Variants in POTEG observed in about 807,000 individuals in gnomAD.
POTEG encodes the protein ANKRD26-like family C member 2.
Under a neutral mutation model 49.6 loss-of-function variants are expected in POTEG, and 2 were observed. That is an observed-to-expected ratio of 0.04 (90% CI 0.02 to 0.13). POTEG has a LOEUF of 0.13. Among genes scored for constraint, POTEG ranks in the 10% least tolerant of loss-of-function variants. The pLI, the probability that POTEG is intolerant of heterozygous loss-of-function variation, is 1.00. For synonymous variants in POTEG, 7 were observed against 186.6 expected, an observed-to-expected ratio of 0.04 and a Z score of 7.84; for missense variants, 26 against 545.2, an observed-to-expected ratio of 0.05 and a Z score of 9.48.
At chr14:19,414,391 G>A (rs1432985924) in intron 8 of POTEG, among the ~76,000 whole-genome samples, 171 bp downstream of exon 8, 3 of 146,644 alleles carry the variant, frequency 2.0e-5, no homozygotes, top group African/African-American at 7.4e-5. Context: ...TCTAGGGTTT[G>A]CATCTCTTTA....
chr14:19,413,460 TAGGC>T lies in POTEG; in HGVS notation c.1299_1302del (p.Pro434ThrfsTer12). ...TCACCATTGTCAGCAGTGGCACCGTTAGGCAGGTTTTCTGGGAATCCCATATGAG... is the reference window on the plus strand; with the variant it reads ...TCACCATTGTCAGCAGTGGCACCGTTAGGTTTTCTGGGAATCCCATATGAG... On this transcript the variant is annotated frameshift_variant, in exon 9 of 11. Coordinates refer to ENST00000547848, the MANE Select transcript of POTEG (RefSeq NM_001005356.3). LOFTEE classifies it high-confidence loss of function. 9 of 1,090,712 alleles carry T rather than the reference TAGGC, an allele frequency of 8.3e-6. 1 individual carries two copies. The highest frequency in any genetic ancestry group is 6.2e-6 in the Non-Finnish European group (5 of 800,902). The allele number at this position is 1,090,712 out of a possible 1,614,324, so 67.6% of individuals were successfully genotyped here.
chr14:19,426,101 G>A (rs1376797254), intron 3 of POTEG, among the ~76,000 whole-genome samples: 1 of 118,578 alleles, frequency 8.4e-6, no homozygotes, highest in African/African-American at 3.3e-5. Context: ...TGCGTATAAA[G>A]CAAGAATTTG....
At chr14:19,425,423 T>C (rs1468264291) in intron 4 of POTEG, among the ~76,000 whole-genome samples, 183 bp downstream of exon 4, 2 of 56,394 alleles carry the variant, frequency 3.5e-5, no homozygotes, top group African/African-American at 9.4e-5. Context: ...GTCAATATAA[T>C]AAAAGATGAA....
chr14:19,413,244 TC>T, intron 9 of POTEG, 109 bp downstream of exon 9: 1 of 426,390 alleles, frequency 2.3e-6, no homozygotes, highest in Admixed American at 6.5e-5. Context: ...TTTTCATTTT[TC>T]TGATTAACAG....
chr14:19,429,563 C>A (rs1454235283), intron 1 of POTEG, among the ~76,000 whole-genome samples: 1 of 130,816 alleles, frequency 7.6e-6, no homozygotes, highest in African/African-American at 2.7e-5. Context: ...TCCATGTTGT[C>A]TCCACTGAAA....
intron 3 of POTEG, chr14:19,426,600 T>A (rs1369858712): frequency 2.4e-6 from 1 of 410,660 alleles, no homozygotes; most frequent in East Asian, 7.0e-5. Context: ...ACCTTCTGAA[T>A]GGCAGTGAAT....
chr14:19,419,043 C>G (rs1289005848), intron 6 of POTEG, among the ~76,000 whole-genome samples: 6 of 107,378 alleles, frequency 5.6e-5, no homozygotes, highest in Admixed American at 9.9e-5. Flanking sequence ...CATATTAAAA[C>G]GAGTAATTGA....
Position 19,432,366 on chromosome 14 carries a change from GTATATATATATATA to G in POTEG, c.521+1389_521+1402del, listed in dbSNP as rs58599371. 1.3e-4 allele frequency among the ~76,000 whole-genome samples: 5 copies of G among 37,870 alleles called. 1 individual carries two copies. Among genetic ancestry groups the G allele is most frequent in the Admixed American group, 7.0e-4 (2 of 2,852 alleles). 24.8% of individuals were successfully genotyped at this position (37,870 alleles called of 152,430 possible). On this transcript the variant is annotated intron_variant, in intron 1 of 10. Coordinates refer to ENST00000547848, the MANE Select transcript of POTEG (RefSeq NM_001005356.3). ...CCATCAAAAAAAAAAAAGAAATTTT[GTATATATATATATA>G]TATATATATATATATATATATATAC...
chr14:19,415,944 A>G (rs61969671), intron 7 of POTEG, among the ~76,000 whole-genome samples: 10,172 of 112,450 alleles, frequency 0.09, 15 homozygotes, highest in Non-Finnish European at 0.16. Flanking sequence ...CCCCAGGTTC[A>G]TGGCATTCTC....
chr14:19,432,944 A>T (rs1594284362), intron 1 of POTEG, among the ~76,000 whole-genome samples: 1 of 27,782 alleles, frequency 3.6e-5, no homozygotes, highest in Non-Finnish European at 7.3e-5. Flanking sequence ...TTTTTTTTTG[A>T]GATGGAGTCT....
intron 1 of POTEG, among the ~76,000 whole-genome samples, chr14:19,430,428 TTATCC>T (rs1884089322): frequency 2.5e-5 from 2 of 80,590 alleles, no homozygotes; most frequent in South Asian, 8.0e-4. Flanking sequence ...AAAACAGTCT[TTATCC>T]AAGACTTATA....
intron 7 of POTEG, among the ~76,000 whole-genome samples, chr14:19,415,076 T>C (rs1340353308): frequency 1.4e-5 from 2 of 145,676 alleles, no homozygotes; most frequent in African/African-American, 4.9e-5. Flanking sequence ...AACTGGATTG[T>C]AGGCACACTT....
In POTEG at chr14:19,415,362, G is replaced by A. The variant is rs1217541505; in HGVS notation, c.1198-756C>T. ...ATATGATTCCTTTAATAGGCAGTTG[G>A]GTTGCTTTTTTGACCTGGTTCCCTC... On this transcript the variant is annotated intron_variant, in intron 7 of 10. Coordinates refer to ENST00000547848, the MANE Select transcript of POTEG (RefSeq NM_001005356.3). Among the ~76,000 whole-genome samples, 32 of 144,418 alleles carry A rather than the reference G, an allele frequency of 2.2e-4. No individual in the cohort carries two copies. In the South Asian group the frequency reaches 3.4e-3, roughly 15 times the overall value. The allele number at this position is 144,418 out of a possible 152,430, so 94.7% of individuals were successfully genotyped here. A position where few individuals can be genotyped will look rare whatever the true frequency, so the allele number is the denominator to read the frequency against.
intron 1 of POTEG, among the ~76,000 whole-genome samples, chr14:19,431,596 TC>T (rs1884144021): frequency 2.2e-5 from 2 of 91,930 alleles, no homozygotes; most frequent in African/African-American, 4.9e-5. Context: ...AGTATTTCAT[TC>T]CTTTTGTTTG....
At chr14:19,416,141 C>G (rs1883558156) in intron 7 of POTEG, 147 bp downstream of exon 7, 1 of 575,354 alleles carries the variant, frequency 1.7e-6, no homozygotes, top group Non-Finnish European at 3.0e-6. Context: ...ACCCCCCCAG[C>G]CAAAAGATTC....
intron 3 of POTEG, 99 bp from the exon 4 acceptor site, chr14:19,425,811 C>G: frequency 5.8e-6 from 1 of 172,974 alleles, no homozygotes; most frequent in South Asian, 6.7e-5. Flanking sequence ...GACTTACATG[C>G]ATAGAAAGTA....
At chr14:19,406,651 C>T (rs1182487403) in intron 9 of POTEG, among the ~76,000 whole-genome samples, 4 of 149,720 alleles carry the variant, frequency 2.7e-5, no homozygotes, top group African/African-American at 7.4e-5. Context: ...AACCAACAAC[C>T]TATACAATGG....
chr14:19,432,394 A>ACACGTGTATATATATG (rs1884178560), intron 1 of POTEG, among the ~76,000 whole-genome samples: 6 of 95,348 alleles, frequency 6.3e-5, no homozygotes, highest in Admixed American at 1.1e-4. Context: ...ATATATATAT[A>ACACGTGTATATATATG]TATATATATA....
chr14:19,432,403 T>TATACACAC (rs1330765784), intron 1 of POTEG, among the ~76,000 whole-genome samples: 29 of 44,722 alleles, frequency 6.5e-4, no homozygotes, highest in Admixed American at 1.2e-3. Flanking sequence ...TATATATATA[T>TATACACAC]ACACACACAT....
Sources: gnomAD v4.1 joint callset for allele counts (sites outside exome capture counted in the v4.1 genomes callset) on GRCh38, gnomAD v4.1.1 for gene constraint, MANE v1.5 for transcripts, NCBI Gene and HGNC (gene_info 2026-07-23, HGNC 2026-07-21) for gene names.